AGBL1: variants seen among roughly 807,000 people sequenced by gnomAD.
The protein encoded by AGBL1 is AGBL carboxypeptidase 1, also known as cytosolic carboxypeptidase 4.
AGBL1 carries 130 observed loss-of-function variants against 118.9 expected under a neutral mutation model. That is an observed-to-expected ratio of 1.09 (90% CI 0.95 to 1.26). AGBL1 has a LOEUF of 1.26. Ranked by LOEUF, AGBL1 falls within the 50% of genes most tolerant of loss-of-function variation. The pLI, the probability that AGBL1 is intolerant of heterozygous loss-of-function variation, is 0.00. For missense variants in AGBL1, 1,584 were observed against 1,298.1 expected (o/e 1.22, Z -3.38); for synonymous variants, 555 against 478.9 (o/e 1.16, Z -2.08).
In AGBL1 at chr15:86,746,574, A is replaced by G. The variant is rs28628242; in HGVS notation, c.3158+72138A>G. Among the ~76,000 whole-genome samples, 690 of 152,220 alleles carry G rather than the reference A, an allele frequency of 4.5e-3. 5 individuals are homozygous for G. The highest frequency in any genetic ancestry group is 0.016 in the African/African-American group (659 of 41,550). On this transcript the variant is annotated intron_variant, in intron 22 of 22. Coordinates refer to ENST00000614907, the MANE Select transcript of AGBL1 (RefSeq NM_001386094.1). ...GACTGTGAGGTCCCAGGAGCTGGTAACCATGTTTGTCTGATTTACATTATA... is the reference window on the plus strand; with the variant it reads ...GACTGTGAGGTCCCAGGAGCTGGTAGCCATGTTTGTCTGATTTACATTATA...
intron 18 of AGBL1, among the ~76,000 whole-genome samples, chr15:86,520,110 GATT>G (rs2083167735): frequency 2.0e-5 from 3 of 151,986 alleles, no homozygotes; most frequent in Non-Finnish European, 2.9e-5. Flanking sequence ...ATAGCTATCT[GATT>G]ATTCTTTATA....
At chr15:86,340,302 C>T (rs111480957) in intron 17 of AGBL1, among the ~76,000 whole-genome samples, 3 of 151,908 alleles carry the variant, frequency 2.0e-5, no homozygotes, top group Non-Finnish European at 4.4e-5. Context: ...CTGCCCCCCC[C>T]CCATTCATGT....
intron 22 of AGBL1, among the ~76,000 whole-genome samples, chr15:86,789,212 A>G (rs1386037230): frequency 6.6e-6 from 1 of 152,224 alleles, no homozygotes; most frequent in Non-Finnish European, 1.5e-5. Flanking sequence ...TGTGCTCCTA[A>G]TCTGGAGTCC....
chr15:86,301,590 C>G (rs2079745549), intron 17 of AGBL1, among the ~76,000 whole-genome samples: 1 of 151,156 alleles, frequency 6.6e-6, no homozygotes, highest in Non-Finnish European at 1.5e-5. Context: ...ATTAGGAACA[C>G]ATAGATAAGT....
intron 22 of AGBL1, among the ~76,000 whole-genome samples, chr15:86,847,523 A>T (rs879505836): frequency 2.6e-5 from 4 of 152,040 alleles, no homozygotes; most frequent in Non-Finnish European, 1.5e-5. Flanking sequence ...AGTTTTGAAA[A>T]TTTTTGTTTT....
At chr15:86,102,808 T>G (rs1379686616) in intron 1 of AGBL1, among the ~76,000 whole-genome samples, 1 of 152,236 alleles carries the variant, frequency 6.6e-6, no homozygotes, top group Admixed American at 6.5e-5. Context: ...CTAAGCTTTC[T>G]GTATCTGGAT....
chr15:86,985,318 G>A (rs935839828), intron 23 of AGBL1, among the ~76,000 whole-genome samples: 1 of 152,144 alleles, frequency 6.6e-6, no homozygotes, highest in Non-Finnish European at 1.5e-5. Flanking sequence ...ACTTCCTAAT[G>A]ATTTCCTCAT....
At chr15:86,674,167 T>C in intron 21 of AGBL1, 106 bp from the exon 22 acceptor site, 1 of 1,050,346 alleles carries the variant, frequency 9.5e-7, no homozygotes, top group South Asian at 1.6e-5. Context: ...TAATTCTCAC[T>C]GTCTGAAAAA....
intron 22 of AGBL1, among the ~76,000 whole-genome samples, 196 bp downstream of exon 22, chr15:86,674,632 C>T (rs2085805925): frequency 6.6e-6 from 1 of 151,990 alleles, no homozygotes; most frequent in Non-Finnish European, 1.5e-5. Flanking sequence ...CACATATATG[C>T]AAATATAAAA....
intron 22 of AGBL1, among the ~76,000 whole-genome samples, chr15:86,684,811 A>T (rs1372327191): frequency 6.6e-6 from 1 of 152,180 alleles, no homozygotes; most frequent in East Asian, 1.9e-4. Context: ...TCTCAAAGGT[A>T]CAGCTACTGA....
In AGBL1 at chr15:86,087,102, G is replaced by A. The variant is rs564848333; in HGVS notation, c.51+7079G>A. Among the ~76,000 whole-genome samples, 341 of 152,294 alleles carry A rather than the reference G, an allele frequency of 2.2e-3. 15 individuals carry two copies. The South Asian group carries it at 0.066, about 30-fold the overall frequency. ...AGCCACATAGATACCATTAGCTAGCGAAAGCACTGGATATTACTCCAAAAC... is the reference window on the plus strand; with the variant it reads ...AGCCACATAGATACCATTAGCTAGCAAAAGCACTGGATATTACTCCAAAAC... On this transcript the variant is annotated intron_variant, in intron 1 of 22. Coordinates refer to ENST00000614907, the MANE Select transcript of AGBL1 (RefSeq NM_001386094.1).
At chr15:86,784,198 G>T (rs1460934157) in intron 22 of AGBL1, among the ~76,000 whole-genome samples, 1 of 152,102 alleles carries the variant, frequency 6.6e-6, no homozygotes, top group African/African-American at 2.4e-5. Flanking sequence ...CACATCATAA[G>T]CTCTTAGTGC....
chr15:86,646,805 C>T (rs1300126324), intron 21 of AGBL1, among the ~76,000 whole-genome samples: 1 of 152,156 alleles, frequency 6.6e-6, no homozygotes, highest in Non-Finnish European at 1.5e-5. Context: ...TCTGCCTTCA[C>T]ATGTGTTTGA....
intron 17 of AGBL1, among the ~76,000 whole-genome samples, chr15:86,335,148 T>C (rs1482705283): frequency 1.3e-5 from 2 of 152,030 alleles, no homozygotes; most frequent in Non-Finnish European, 2.9e-5. Flanking sequence ...GTTATTTTTT[T>C]TTTTTTTGAG....
At chr15:86,182,304 C>T (rs2077564126) in intron 5 of AGBL1, among the ~76,000 whole-genome samples, 1 of 151,866 alleles carries the variant, frequency 6.6e-6, no homozygotes, top group Non-Finnish European at 1.5e-5. Context: ...CCTTTCTCTT[C>T]TCTCCCTTTG....
chr15:86,831,671 C>G (rs1301004081), intron 22 of AGBL1, among the ~76,000 whole-genome samples: 1 of 152,214 alleles, frequency 6.6e-6, no homozygotes, highest in Non-Finnish European at 1.5e-5. Context: ...AATATAGCCT[C>G]CCTCCTGGCT....
chr15:86,838,941 TAAAA>T (rs386383698), intron 22 of AGBL1, among the ~76,000 whole-genome samples: 12 of 48,006 alleles, frequency 2.5e-4, no homozygotes, highest in Admixed American at 3.7e-4. Context: ...TGAGATCCTG[TAAAA>T]AAAAAAAAAA....
intron 22 of AGBL1, among the ~76,000 whole-genome samples, chr15:86,831,801 C>T (rs2079108065): frequency 6.6e-6 from 1 of 152,222 alleles, no homozygotes; most frequent in South Asian, 2.1e-4. Context: ...CTCCACTAGG[C>T]AGTGCCCCAG....
In AGBL1 at chr15:86,912,036, C is replaced by T. The variant is rs955394753; in HGVS notation, c.*4742C>T. On this transcript the variant is annotated 3_prime_UTR_variant, in exon 23 of 23. Transcript: ENST00000614907. ...TTGCAGGTGTTCAAAAATGTGTCTTCCCCTCAGCTTCAAACTCAGACATCC... is the reference window on the plus strand; with the variant it reads ...TTGCAGGTGTTCAAAAATGTGTCTTTCCCTCAGCTTCAAACTCAGACATCC... 6.6e-6 allele frequency: 1 copy of T among 152,156 alleles called. No homozygotes were observed. Among genetic ancestry groups the T allele is most frequent in the African/African-American group, 2.4e-5 (1 of 41,430 alleles). 9.4% of individuals were successfully genotyped at this position (152,156 alleles called of 1,614,324 possible).
Sources: allele counts gnomAD v4.1 joint callset (sites outside exome capture counted in the v4.1 genomes callset), GRCh38; gene constraint gnomAD v4.1.1; transcripts MANE v1.5; gene names NCBI Gene and HGNC (gene_info 2026-07-23, HGNC 2026-07-21).